The following ZPBP variants were observed in gnomAD, a reference collection of about 807,000 sequenced individuals.
The protein encoded by ZPBP is zona pellucida-binding protein 1.
Under a neutral mutation model 44.8 loss-of-function variants are expected in ZPBP, and 26 were observed. The ratio of observed to expected loss-of-function variants is 0.58; its 90% CI spans 0.43 to 0.81. The LOEUF is 0.81. ZPBP is among the 30% of genes least tolerant of loss of function. The probability of loss-of-function intolerance (pLI) is 0.00; values close to 1 mark genes in which losing one functional copy is unlikely to be tolerated. For synonymous variants in ZPBP, 174 were observed against 153.2 expected (o/e 1.14, Z -1.00); for missense variants, 409 against 434.0 (o/e 0.94, Z 0.51).
chr7:49,841,249 C>T, the ZPBP span, among the ~76,000 whole-genome samples: 1 of 151,778 alleles, frequency 6.6e-6, no homozygotes, highest in Non-Finnish European at 1.5e-5. Context: ...TCCACTTAGG[C>T]TTGTGGCCAT....
At chr7:49,884,931 A>G (rs1422311645) in intron 2 of ZPBP, among the ~76,000 whole-genome samples, 1 of 152,170 alleles carries the variant, frequency 6.6e-6, no homozygotes, top group East Asian at 1.9e-4. Flanking sequence ...TCCTTGACCA[A>G]TGAAATAATA....
At chr7:49,940,141 T>C (rs1003595320) in intron 7 of ZPBP, among the ~76,000 whole-genome samples, 2 of 152,146 alleles carry the variant, frequency 1.3e-5, no homozygotes, top group African/African-American at 2.4e-5. Flanking sequence ...AACCCTCTCT[T>C]TGTTCTCTGC....
chr7:50,028,322 G>A (rs1030579436), intron 5 of ZPBP, among the ~76,000 whole-genome samples: 19 of 151,756 alleles, frequency 1.3e-4, no homozygotes, highest in African/African-American at 4.3e-4. Flanking sequence ...TCATATAAAA[G>A]TAGTACTTAA....
intron 7 of ZPBP, among the ~76,000 whole-genome samples, chr7:49,946,487 C>CT (rs1562792971): frequency 6.6e-6 from 1 of 151,724 alleles, no homozygotes; most frequent in African/African-American, 2.4e-5. Flanking sequence ...CAAATTTTTT[C>CT]TTTTTTTTCC....
At chr7:49,988,381 G>A (rs1206761885) in intron 6 of ZPBP, among the ~76,000 whole-genome samples, 1 of 152,124 alleles carries the variant, frequency 6.6e-6, no homozygotes, top group African/African-American at 2.4e-5. Flanking sequence ...GGAGCATCTA[G>A]AAGAGTGGTA....
intron 4 of ZPBP, among the ~76,000 whole-genome samples, chr7:50,044,053 C>T (rs528730869): frequency 1.9e-4 from 29 of 152,224 alleles, no homozygotes; most frequent in African/African-American, 7.0e-4. Context: ...ACAATCTGCT[C>T]CTGAATGACT....
At chr7:49,935,864 A>T (rs1983162), downstream of ZPBP, 1 of 152,036 alleles carries the variant, frequency 6.6e-6, no homozygotes, top group African/African-American at 2.4e-5. Flanking sequence ...CTGGGGTCAC[A>T]TATCTCTTCG....
At chr7:50,061,854 A>G (rs1801256750) in intron 3 of ZPBP, among the ~76,000 whole-genome samples, 1 of 152,250 alleles carries the variant, frequency 6.6e-6, no homozygotes, top group Non-Finnish European at 1.5e-5. Flanking sequence ...AGATCACACC[A>G]CTGCACTCCA....
At chr7:49,875,133 A>G (rs1367241615) in intron 2 of ZPBP, among the ~76,000 whole-genome samples, 4 of 151,422 alleles carry the variant, frequency 2.6e-5, no homozygotes, top group African/African-American at 9.7e-5. Flanking sequence ...GCACTTTGGG[A>G]GGCCGAGGCA....
chr7:49,849,560 A>G (rs1790092395), downstream of ZPBP, among the ~76,000 whole-genome samples: 1 of 152,022 alleles, frequency 6.6e-6, no homozygotes, highest in African/African-American at 2.4e-5. Context: ...CAGCCCTTCT[A>G]CACACACACA....
rs145026915 is a variant in ZPBP at position 50,068,686 on chromosome 7, C to A, written c.335-10545G>T. The stretch of plus-strand genomic sequence containing the variant: ...CCTTCTGATCTCGGTTAATTTACAT[C>A]TTGGTAGCCACTTTAATAAGCTGAG... On this transcript the variant is annotated intron_variant, in intron 3 of 7. Transcript: ENST00000046087. Among the ~76,000 whole-genome samples the A allele has an allele frequency of 4.7e-3, 717 of 152,192 alleles. 17 individuals carry two copies. In the South Asian group the frequency reaches 0.067, roughly 14 times the overall value.
At chr7:49,948,025 C>G (rs766237896) in intron 7 of ZPBP, among the ~76,000 whole-genome samples, 3 of 152,208 alleles carry the variant, frequency 2.0e-5, no homozygotes, top group African/African-American at 7.2e-5. Context: ...AATGTTCACT[C>G]GAGGCCCAAA....
intron 2 of ZPBP, among the ~76,000 whole-genome samples, chr7:49,895,641 T>A (rs1792349524): frequency 6.6e-6 from 1 of 152,180 alleles, no homozygotes; most frequent in African/African-American, 2.4e-5. Context: ...CAACACAATG[T>A]AACATATCAG....
intron 2 of ZPBP, among the ~76,000 whole-genome samples, chr7:49,894,241 C>T (rs765716394): frequency 3.9e-5 from 6 of 152,240 alleles, no homozygotes; most frequent in Non-Finnish European, 8.8e-5. Flanking sequence ...ACCTCAGCCT[C>T]GACCACCCAG....
At chr7:49,929,325 G>C (rs1289153949) in intron 1 of ZPBP, among the ~76,000 whole-genome samples, 1 of 152,200 alleles carries the variant, frequency 6.6e-6, no homozygotes, top group South Asian at 2.1e-4. Flanking sequence ...CACCATGCTT[G>C]ATCAGGATGA....
intron 6 of ZPBP, among the ~76,000 whole-genome samples, chr7:50,003,180 A>C (rs1476863417): frequency 6.6e-6 from 1 of 152,196 alleles, no homozygotes; most frequent in Non-Finnish European, 1.5e-5. Context: ...TGATTTGAAA[A>C]TGAAATAAAA....
intron 2 of ZPBP, among the ~76,000 whole-genome samples, chr7:49,856,442 A>T (rs988166292): frequency 1.4e-4 from 22 of 152,190 alleles, no homozygotes; most frequent in African/African-American, 5.3e-4. Context: ...TGTTGGCCCC[A>T]TGCTTCTTGT....
At chr7:49,889,377 A>T (rs564455306) in intron 2 of ZPBP, among the ~76,000 whole-genome samples, 8 of 152,376 alleles carry the variant, frequency 5.3e-5, no homozygotes, top group Middle Eastern at 3.4e-3. Flanking sequence ...TAATTTAAAC[A>T]TATCATGGCA....
intron 2 of ZPBP, among the ~76,000 whole-genome samples, chr7:50,085,577 A>G (rs1802594060): frequency 6.6e-6 from 1 of 152,114 alleles, no homozygotes; most frequent in Admixed American, 6.6e-5. Context: ...CCAGAGTACT[A>G]TCAGTATGCG....
Sources: allele counts gnomAD v4.1 joint callset (sites outside exome capture counted in the v4.1 genomes callset), GRCh38; gene constraint gnomAD v4.1.1; transcripts MANE v1.5; gene names NCBI Gene and HGNC (gene_info 2026-07-23, HGNC 2026-07-21).